Variants in GALNT7 observed in about 807,000 individuals in gnomAD.
The protein encoded by GALNT7 is polypeptide N-acetylgalactosaminyltransferase 7.
In GALNT7, 60 loss-of-function variants were observed where a neutral mutation model predicts 82.1. The observed-to-expected ratio is 0.73, with a 90% confidence interval of 0.59 to 0.91. The LOEUF (loss-of-function observed/expected upper bound fraction) is 0.91. GALNT7 is among the 40% of genes least tolerant of loss of function. The probability of loss-of-function intolerance (pLI) is 0.00; values close to 1 mark genes in which losing one functional copy is unlikely to be tolerated. For missense variants in GALNT7, 660 were observed against 804.2 expected, an observed-to-expected ratio of 0.82 and a Z score of 2.17; for synonymous variants, 243 against 275.1, an observed-to-expected ratio of 0.88 and a Z score of 1.15.
chr4:173,178,007 CTGTGTGTGTGTGTGTGTGTG>C (rs70944437), intron 1 of GALNT7, among the ~76,000 whole-genome samples: 26 of 137,774 alleles, frequency 1.9e-4, no homozygotes, highest in South Asian at 7.2e-4. Context: ...ATCCGCAAGT[CTGTGTGTGTGTGTGTGTGTG>C]TGTGTGTGTG....
chr4:173,321,344 T>C (rs1486707461), intron 11 of GALNT7, among the ~76,000 whole-genome samples: 2 of 152,072 alleles, frequency 1.3e-5, no homozygotes, highest in Non-Finnish European at 2.9e-5. Flanking sequence ...ATACATTGAG[T>C]GTGAGATACC....
chr4:173,182,601 T>A (rs1732280683), intron 1 of GALNT7, among the ~76,000 whole-genome samples: 1 of 151,874 alleles, frequency 6.6e-6, no homozygotes, highest in Non-Finnish European at 1.5e-5. Flanking sequence ...AAAAGTAAAC[T>A]TGCCATGTGG....
chr4:173,246,118 T>C (rs1336589652), intron 1 of GALNT7, among the ~76,000 whole-genome samples: 3 of 152,190 alleles, frequency 2.0e-5, no homozygotes, highest in Non-Finnish European at 4.4e-5. Context: ...TCTCACCCTT[T>C]CCTATTTTAC....
At chr4:173,207,939 T>C (rs941018133) in intron 1 of GALNT7, among the ~76,000 whole-genome samples, 1 of 152,212 alleles carries the variant, frequency 6.6e-6, no homozygotes, top group Non-Finnish European at 1.5e-5. Flanking sequence ...ATTTTTAAAT[T>C]GCTAGTGAAG....
chr4:173,191,131 G>A (rs1383908985), intron 1 of GALNT7, among the ~76,000 whole-genome samples: 1 of 152,052 alleles, frequency 6.6e-6, no homozygotes, highest in South Asian at 2.1e-4. Context: ...AGCACCAATA[G>A]GGCTAAGGCA....
chr4:173,283,492 T>G (rs1736191706), intron 2 of GALNT7, among the ~76,000 whole-genome samples: 1 of 151,928 alleles, frequency 6.6e-6, no homozygotes, highest in African/African-American at 2.4e-5. Context: ...ATACAAGAAT[T>G]AGCTGGGCGT....
chr4:173,221,371 T>C (rs994901093), intron 1 of GALNT7, among the ~76,000 whole-genome samples: 2 of 152,236 alleles, frequency 1.3e-5, no homozygotes, highest in South Asian at 2.1e-4. Context: ...TCTTCCCTTA[T>C]GGAGTTATTC....
intron 1 of GALNT7, among the ~76,000 whole-genome samples, chr4:173,192,270 C>T (rs149633264): frequency 6.6e-6 from 1 of 152,070 alleles, no homozygotes; most frequent in African/African-American, 2.4e-5. Context: ...TTCAAGGGGT[C>T]CTCCTTGTTT....
chr4:173,286,349 A>G (rs1736321569), intron 2 of GALNT7, among the ~76,000 whole-genome samples: 1 of 152,190 alleles, frequency 6.6e-6, no homozygotes, highest in Non-Finnish European at 1.5e-5. Flanking sequence ...TAAGGAGGCG[A>G]TTGTCTGTTA....
intron 2 of GALNT7, among the ~76,000 whole-genome samples, chr4:173,288,303 A>AAAAAAAAAAAAAAAAAAAAAAAC (rs1736412268): frequency 6.7e-6 from 1 of 149,632 alleles, no homozygotes; most frequent in African/African-American, 2.5e-5. Context: ...AAAAAAAAAA[A>AAAAAAAAAAAAAAAAAAAAAAAC]AAGAAAAGAA....
At chr4:173,232,271 T>TA (rs200428984) in intron 1 of GALNT7, among the ~76,000 whole-genome samples, 2,627 of 146,466 alleles carry the variant, frequency 0.018, 56 homozygotes, top group East Asian at 0.057. Flanking sequence ...TTCAGTCTCT[T>TA]AAAAAAAAAA....
chr4:173,233,684 C>T (rs1734116224), intron 1 of GALNT7, among the ~76,000 whole-genome samples: 1 of 152,180 alleles, frequency 6.6e-6, no homozygotes, highest in Non-Finnish European at 1.5e-5. Context: ...GGTTGTCCGC[C>T]TCCCAGCCAG....
At chr4:173,214,699 A>G (rs1476010546) in intron 1 of GALNT7, among the ~76,000 whole-genome samples, 1 of 152,206 alleles carries the variant, frequency 6.6e-6, no homozygotes, top group Non-Finnish European at 1.5e-5. Context: ...GGTAGAGTCA[A>G]ATTTCTGGCA....
intron 2 of GALNT7, among the ~76,000 whole-genome samples, chr4:173,279,620 A>T (rs1736039223): frequency 6.6e-6 from 1 of 152,172 alleles, no homozygotes; most frequent in South Asian, 2.1e-4. Flanking sequence ...TCCTTTTATG[A>T]TGAAAATGAG....
intron 1 of GALNT7, among the ~76,000 whole-genome samples, chr4:173,179,863 G>A (rs551136318): frequency 2.2e-4 from 34 of 152,300 alleles, no homozygotes; most frequent in Admixed American, 4.6e-4. Flanking sequence ...GTCATGATGC[G>A]TGAAGTTCTC....
At chr4:173,191,247 C>T (rs1732620882) in intron 1 of GALNT7, among the ~76,000 whole-genome samples, 1 of 152,012 alleles carries the variant, frequency 6.6e-6, no homozygotes, top group African/African-American at 2.4e-5. Context: ...ACTTGGCTGG[C>T]TGGCTGCCTG....
At chr4:173,237,982 C>A (rs1349144918) in intron 1 of GALNT7, among the ~76,000 whole-genome samples, 1 of 152,082 alleles carries the variant, frequency 6.6e-6, no homozygotes, top group Non-Finnish European at 1.5e-5. Context: ...AGCTTTTAAG[C>A]CATTCCCCTT....
chr4:173,313,616 AAAG>A (rs888194544), intron 8 of GALNT7, among the ~76,000 whole-genome samples: 4 of 151,352 alleles, frequency 2.6e-5, no homozygotes, highest in African/African-American at 9.7e-5. Context: ...TATTATAGGG[AAAG>A]AAGTACAGTG....
At chr4:173,273,195 A>G (rs982241982) in intron 2 of GALNT7, among the ~76,000 whole-genome samples, 1 of 152,360 alleles carries the variant, frequency 6.6e-6, no homozygotes, top group African/African-American at 2.4e-5. Flanking sequence ...GAGAAGGCAT[A>G]TAATCACTCA....
Sources: allele counts gnomAD v4.1 joint callset (sites outside exome capture counted in the v4.1 genomes callset), GRCh38; gene constraint gnomAD v4.1.1; transcripts MANE v1.5; gene names NCBI Gene and HGNC (gene_info 2026-07-23, HGNC 2026-07-21).